Variants in RAE1 observed in about 807,000 individuals in gnomAD.
RAE1 encodes ribonucleic acid export 1.
RAE1 carries 13 observed loss-of-function variants against 52.7 expected under a neutral mutation model. That is an observed-to-expected ratio of 0.25 (90% CI 0.16 to 0.39). The LOEUF (loss-of-function observed/expected upper bound fraction) is 0.39, where lower values mean the gene tolerates loss of function less well. Among genes scored for constraint, RAE1 ranks in the 10% least tolerant of loss-of-function variants. RAE1 has a pLI of 1.00. For missense variants in RAE1, 262 were observed against 459.8 expected (o/e 0.57, Z 3.93); for synonymous variants, 164 against 153.1 (o/e 1.07, Z -0.52).
rs1398312502 is a variant in RAE1 at position 57,354,144 on chromosome 20, T to G, written c.90+16T>G. On this transcript the variant is annotated intron_variant, in intron 2 of 11. Coordinates refer to ENST00000395841, the MANE Select transcript of RAE1 (RefSeq NM_003610.4). ...TCCCATGAAGGTACCACGAAAAGCT[T>G]CCTGGGGCTTGTAGGAAGAGTTTGG... is the stretch of plus-strand genomic sequence containing the variant. 3 of 1,607,504 alleles carry G rather than the reference T, an allele frequency of 1.9e-6. No individual in the cohort carries two copies. The South Asian group carries it at 3.3e-5, about 18-fold the overall frequency.
chr20:57,352,625 A>G (rs899520794), intron 1 of RAE1, among the ~76,000 whole-genome samples: 1 of 152,236 alleles, frequency 6.6e-6, no homozygotes, highest in Non-Finnish European at 1.5e-5. Context: ...AATGGCAGAA[A>G]TGTTCTCTCC....
intron 1 of RAE1, among the ~76,000 whole-genome samples, chr20:57,353,428 A>T (rs1241536101): frequency 6.6e-6 from 1 of 152,114 alleles, no homozygotes; most frequent in Non-Finnish European, 1.5e-5. Flanking sequence ...TCAAGAAAAA[A>T]CCCAGGGTGG....
At chr20:57,358,871 A>C in intron 4 of RAE1, 1 of 1,035,922 alleles carries the variant, frequency 9.7e-7, no homozygotes, top group Non-Finnish European at 1.3e-6. Context: ...AAAATTTTTA[A>C]TGCAGGGATA....
At chr20:57,367,397 G>A (rs1405566153) in intron 7 of RAE1, among the ~76,000 whole-genome samples, 1 of 152,170 alleles carries the variant, frequency 6.6e-6, no homozygotes, top group Non-Finnish European at 1.5e-5. Flanking sequence ...CTTGCAGTAA[G>A]TTTGTGAGGT....
At chr20:57,368,593 G>T in intron 7 of RAE1, 112 bp from the exon 8 acceptor site, 2 of 621,088 alleles carry the variant, frequency 3.2e-6, no homozygotes, top group Admixed American at 2.8e-5. Flanking sequence ...ATAATCCCAG[G>T]ATTATTAAAA....
intron 3 of RAE1, among the ~76,000 whole-genome samples, chr20:57,356,031 G>A (rs1471195549): frequency 6.6e-6 from 1 of 152,000 alleles, no homozygotes; most frequent in African/African-American, 2.4e-5. Context: ...GTGTGATTAG[G>A]GTGATTTTTA....
Position 57,354,447 on chromosome 20 carries a change from G to A in RAE1, c.91-265G>A, listed in dbSNP as rs1392354020. Among the ~76,000 whole-genome samples, 7 of 152,234 alleles carry A rather than the reference G, an allele frequency of 4.6e-5. No homozygotes were observed. The South Asian group carries it at 1.2e-3, about 27-fold the overall frequency. On this transcript the variant is annotated intron_variant, in intron 2 of 11. Transcript: ENST00000395841. ...GATGGCAGGTGAAAACTGTGATCTAGCACTGTGGGGCCAGAGTGAACTGGT... is the reference window on the plus strand; with the variant it reads ...GATGGCAGGTGAAAACTGTGATCTAACACTGTGGGGCCAGAGTGAACTGGT...
chr20:57,354,162 G>C (rs777608934), intron 2 of RAE1, 34 bp downstream of exon 2: 1 of 1,585,256 alleles, frequency 6.3e-7, no homozygotes, highest in East Asian at 2.2e-5. Flanking sequence ...CTTGTAGGAA[G>C]AGTTTGGGCA....
At chr20:57,369,460 C>T (rs996651143) in intron 8 of RAE1, among the ~76,000 whole-genome samples, 1 of 152,218 alleles carries the variant, frequency 6.6e-6, no homozygotes, top group Non-Finnish European at 1.5e-5. Flanking sequence ...TGGAGAAAGC[C>T]TGGCTGCATC....
At chr20:57,357,795 T>G (rs1192122548) in intron 4 of RAE1, 1 of 150,252 alleles carries the variant, frequency 6.7e-6, no homozygotes, top group Non-Finnish European at 1.5e-5. Context: ...CAAAAGAGGC[T>G]CAGTTAGTTT....
chr20:57,376,466 A>AT (rs2067117026), intron 11 of RAE1, among the ~76,000 whole-genome samples: 1 of 152,188 alleles, frequency 6.6e-6, no homozygotes, highest in African/African-American at 2.4e-5. Flanking sequence ...AGAATTTTAT[A>AT]TAAGTGGAGC....
chr20:57,353,412 T>C (rs548918144), intron 1 of RAE1, among the ~76,000 whole-genome samples: 1 of 152,342 alleles, frequency 6.6e-6, no homozygotes, highest in South Asian at 2.1e-4. Context: ...TGTTAGATTA[T>C]GATATTCAAG....
At position 57,366,113 on chromosome 20, in the gene RAE1, CTG is replaced by C. The variant is rs1340192897; in HGVS notation, c.375+674_375+675del. Among the ~76,000 whole-genome samples, 17 of 152,298 alleles carry C rather than the reference CTG, an allele frequency of 1.1e-4. No individual in the cohort carries two copies. The East Asian group carries it at 1.2e-3, about 10-fold the overall frequency. ...ATTCCCATCACCTCAGTGAGTAAAA[CTG>C]TGGTGGAATCCCCTGCTTGTTATTT... On this transcript the variant is annotated intron_variant, in intron 5 of 11. Transcript: ENST00000395841.
chr20:57,369,371 G>A (rs1170249975), intron 8 of RAE1, among the ~76,000 whole-genome samples: 1 of 152,220 alleles, frequency 6.6e-6, no homozygotes, highest in African/African-American at 2.4e-5. Context: ...CCCACAGGTA[G>A]CACCCTCGGA....
At chr20:57,365,594 A>T (rs2066944059) in intron 5 of RAE1, 152 bp downstream of exon 5, 1 of 514,732 alleles carries the variant, frequency 1.9e-6, no homozygotes, top group Non-Finnish European at 3.3e-6. Context: ...CCTCTTTAGC[A>T]CAAAAATAAC....
Position 57,356,428 on chromosome 20 carries a change from AT to A in RAE1, c.196-11del, listed in dbSNP as rs767646284. On this transcript the variant is annotated splice_polypyrimidine_tract_variant and intron_variant, in intron 3 of 11. Coordinates refer to ENST00000395841, the MANE Select transcript of RAE1 (RefSeq NM_003610.4). ...ATCGTAATTGCTTTGTTTGCATTGA[AT>A]TTTTTTGTTACTACAGGTTCGCTGC... 8 of 1,598,154 alleles carry A rather than the reference AT, an allele frequency of 5.0e-6. No homozygotes were observed. The highest frequency in any genetic ancestry group is 1.3e-5 in the African/African-American group (1 of 74,532).
chr20:57,351,708 G>A, intron 1 of RAE1: 1 of 985,492 alleles, frequency 1.0e-6, no homozygotes, highest in Non-Finnish European at 1.2e-6. Flanking sequence ...TTACACGTCT[G>A]GCGTCTCGTC....
chr20:57,359,559 C>T (rs892804863), intron 4 of RAE1: 1 of 152,200 alleles, frequency 6.6e-6, no homozygotes, highest in Non-Finnish European at 1.5e-5. Flanking sequence ...CTGTCTGTCT[C>T]TCTAGACTAA....
chr20:57,357,679 A>G (rs1013550773), intron 4 of RAE1: 2 of 152,222 alleles, frequency 1.3e-5, no homozygotes, highest in Non-Finnish European at 2.9e-5. Context: ...TAGGGCATTT[A>G]TTATGATAAT....
Sources: allele counts gnomAD v4.1 joint callset (sites outside exome capture counted in the v4.1 genomes callset), GRCh38; gene constraint gnomAD v4.1.1; transcripts MANE v1.5; gene names NCBI Gene and HGNC (gene_info 2026-07-23, HGNC 2026-07-21).